Variants in MYO5B observed in about 807,000 individuals in gnomAD.
The protein encoded by MYO5B is myosin VB, also known as unconventional myosin-Vb.
In MYO5B, 143 loss-of-function variants were observed where a neutral mutation model predicts 229.3. The observed-to-expected ratio is 0.62, with a 90% confidence interval of 0.54 to 0.72. The LOEUF (loss-of-function observed/expected upper bound fraction) is 0.72. MYO5B is among the 30% of genes least tolerant of loss of function. MYO5B has a pLI of 0.00. For synonymous variants in MYO5B, 918 were observed against 885.2 expected (o/e 1.04, Z -0.66); for missense variants, 2,321 against 2,331.0 (o/e 1.00, Z 0.09).
Position 49,879,066 on chromosome 18 carries a change from T to C in MYO5B, c.3155A>G (p.Lys1052Arg), listed in dbSNP as rs748828349. 5 of 1,614,230 alleles carry C rather than the reference T, an allele frequency of 3.1e-6. No individual in the cohort carries two copies. In the South Asian group the frequency reaches 5.5e-5, roughly 18 times the overall value. ...CAGTTCTTTCTTCATGAGATTTTCCTTCACAGAGTTCTGGGCAAATTCATC... is the reference window on the plus strand; with the variant it reads ...CAGTTCTTTCTTCATGAGATTTTCCCTCACAGAGTTCTGGGCAAATTCATC... ...SKDEFAQNSV[K>R]ENLMKKELEE... Residue 1052 changes from lysine to arginine, a missense_variant, in exon 24 of 40, where the codon AAG (lysine) becomes AGG (arginine). By Grantham distance (26) the Lys-to-Arg change is conservative (BLOSUM62 2). Around this residue, in one of 2 missense-constraint regions of MYO5B, gnomAD observed 2,113 missense variants for 2,044.7 expected, o/e 1.03. Transcript: ENST00000285039.
intron 1 of MYO5B, among the ~76,000 whole-genome samples, chr18:50,192,821 G>A (rs2033246418): frequency 6.6e-6 from 1 of 152,152 alleles, no homozygotes; most frequent in Non-Finnish European, 1.5e-5. Context: ...CTTTAGGGAC[G>A]AACTAAGTGG....
chr18:50,066,156 C>T (rs567906459), intron 1 of MYO5B, among the ~76,000 whole-genome samples: 43 of 152,288 alleles, frequency 2.8e-4, no homozygotes, highest in African/African-American at 1.0e-3. Flanking sequence ...ATCAGATTTA[C>T]AGATGGAGTG....
intron 18 of MYO5B, among the ~76,000 whole-genome samples, chr18:49,907,482 C>A (rs1371456922): frequency 1.3e-5 from 2 of 152,172 alleles, no homozygotes; most frequent in Admixed American, 1.3e-4. Flanking sequence ...TTCCTGTGGA[C>A]AAGCCTGGGA....
intron 21 of MYO5B, among the ~76,000 whole-genome samples, chr18:49,899,146 GGAC>G: frequency 6.6e-6 from 1 of 152,056 alleles, no homozygotes. Context: ...AAATACCTTG[GGAC>G]ACCTTCACCT....
chr18:50,101,431 T>C (rs1226912589), intron 1 of MYO5B, among the ~76,000 whole-genome samples: 1 of 151,828 alleles, frequency 6.6e-6, no homozygotes, highest in East Asian at 1.9e-4. Context: ...TGACACATAT[T>C]AAAAAGAAAA....
intron 4 of MYO5B, among the ~76,000 whole-genome samples, chr18:50,028,024 G>A (rs2026349254): frequency 6.6e-6 from 1 of 152,122 alleles, no homozygotes. Context: ...GATGGAGGGA[G>A]ACTTTGAAAA....
At chr18:49,849,529 C>G (rs1286098009) in intron 32 of MYO5B, 38 bp downstream of exon 32, 1 of 1,452,140 alleles carries the variant, frequency 6.9e-7, no homozygotes, top group South Asian at 1.1e-5. Flanking sequence ...CCAAGTATAC[C>G]TGTGATTCAC....
intron 18 of MYO5B, among the ~76,000 whole-genome samples, chr18:49,910,133 G>A (rs903779172): frequency 1.3e-5 from 2 of 152,216 alleles, no homozygotes; most frequent in African/African-American, 4.8e-5. Context: ...CGTCAGTGAA[G>A]AGAAGAGGCA....
chr18:49,957,841 C>T (rs1598911598), intron 12 of MYO5B, among the ~76,000 whole-genome samples: 1 of 152,054 alleles, frequency 6.6e-6, no homozygotes, highest in East Asian at 1.9e-4. Context: ...CCTCTCAAAT[C>T]ACTGTACCAT....
chr18:50,050,348 C>G (rs1301304103), intron 2 of MYO5B, among the ~76,000 whole-genome samples: 1 of 152,138 alleles, frequency 6.6e-6, no homozygotes, highest in Non-Finnish European at 1.5e-5. Flanking sequence ...TCTGCATTCT[C>G]AAGGTGAACG....
chr18:50,014,261 G>GA (rs1488479994), intron 4 of MYO5B, among the ~76,000 whole-genome samples: 1 of 93,558 alleles, frequency 1.1e-5, no homozygotes, highest in East Asian at 3.0e-4. Context: ...AAATTATGGA[G>GA]AAAATGGATG....
chr18:50,017,511 C>T (rs2026228873), intron 4 of MYO5B, among the ~76,000 whole-genome samples: 1 of 152,198 alleles, frequency 6.6e-6, no homozygotes, highest in African/African-American at 2.4e-5. Flanking sequence ...TATAATATCT[C>T]ATTGTAAGGA....
intron 1 of MYO5B, among the ~76,000 whole-genome samples, chr18:50,070,576 A>G: frequency 6.6e-6 from 1 of 152,074 alleles, no homozygotes. Context: ...GCCCTTGACA[A>G]CAAAAAATTA....
chr18:49,973,056 A>G (rs2025707683), intron 10 of MYO5B, among the ~76,000 whole-genome samples: 1 of 151,980 alleles, frequency 6.6e-6, no homozygotes, highest in South Asian at 2.1e-4. Flanking sequence ...AGCTTGCCCA[A>G]CTGTGCAAGC....
intron 26 of MYO5B, among the ~76,000 whole-genome samples, chr18:49,875,180 C>T (rs1330504196): frequency 6.6e-6 from 1 of 152,166 alleles, no homozygotes; most frequent in Non-Finnish European, 1.5e-5. Flanking sequence ...AGATTTCAAA[C>T]AATATCCTTT....
rs375049981 is a variant in MYO5B at position 49,853,834 on chromosome 18, C to T, written c.4023-187G>A. ...CACAAGGCAAGCAGGCCAAAGTGTC[C>T]TCCTCTCAGATGATGGGAAACCAAG... is the stretch of plus-strand genomic sequence containing the variant. On this transcript the variant is annotated intron_variant, in intron 30 of 39. Coordinates refer to ENST00000285039, the MANE Select transcript of MYO5B (RefSeq NM_001080467.3). 2.6e-5 allele frequency among the ~76,000 whole-genome samples: 4 copies of T among 152,368 alleles called. No individual in the cohort carries two copies. In the East Asian group the frequency reaches 5.8e-4, roughly 22 times the overall value.
intron 5 of MYO5B, among the ~76,000 whole-genome samples, chr18:49,995,060 T>A (rs1043028388): frequency 1.3e-5 from 2 of 152,048 alleles, no homozygotes; most frequent in African/African-American, 4.8e-5. Flanking sequence ...AACCCCAAGA[T>A]AGAAATTCAG....
chr18:49,870,685 A>G (rs531450384), intron 27 of MYO5B, among the ~76,000 whole-genome samples: 54 of 152,330 alleles, frequency 3.5e-4, no homozygotes, highest in Non-Finnish European at 6.8e-4. Flanking sequence ...GATGCTCAGT[A>G]TTACTATCAG....
At chr18:49,872,317 C>G in intron 26 of MYO5B, 85 bp from the exon 27 acceptor site, 2 of 1,386,294 alleles carry the variant, frequency 1.4e-6, no homozygotes, top group Non-Finnish European at 2.1e-6. Context: ...CAAACTTGCT[C>G]ATCCTGCCTG....
Sources: allele counts gnomAD v4.1 joint callset (sites outside exome capture counted in the v4.1 genomes callset), GRCh38; gene constraint gnomAD v4.1.1; regional missense constraint gnomAD v4.1.1; transcripts MANE v1.5; gene names NCBI Gene and HGNC (gene_info 2026-07-23, HGNC 2026-07-21).